PPP2R2C: variants seen among roughly 807,000 people sequenced by gnomAD.
PPP2R2C encodes the protein protein phosphatase 2 regulatory subunit Bgamma.
PPP2R2C carries 10 observed loss-of-function variants against 45.3 expected under a neutral mutation model. The observed-to-expected ratio is 0.22, with a 90% CI of 0.14 to 0.37. The LOEUF (loss-of-function observed/expected upper bound fraction) is 0.37. PPP2R2C is among the 10% of genes least tolerant of loss of function. PPP2R2C has a pLI of 1.00. For synonymous variants in PPP2R2C, 257 were observed against 245.4 expected, an observed-to-expected ratio of 1.05 and a Z score of -0.44; for missense variants, 308 against 619.7, an observed-to-expected ratio of 0.50 and a Z score of 5.34.
chr4:6,530,641 C>A (rs541202707), intron 2 of PPP2R2C, among the ~76,000 whole-genome samples: 2 of 152,202 alleles, frequency 1.3e-5, no homozygotes, highest in African/African-American at 2.4e-5. Context: ...TGGCCCCCCA[C>A]AACAGGCTGT....
At chr4:6,473,209 C>G (rs1020211810), upstream of PPP2R2C, among the ~76,000 whole-genome samples, 2 of 152,094 alleles carry the variant, frequency 1.3e-5, no homozygotes, top group Non-Finnish European at 2.9e-5. Flanking sequence ...TCATGCCCAC[C>G]TCTCCTGACG....
intron 2 of PPP2R2C, among the ~76,000 whole-genome samples, chr4:6,485,034 G>C (rs901168947): frequency 6.6e-6 from 1 of 151,676 alleles, no homozygotes; most frequent in African/African-American, 2.4e-5. Context: ...TTAGCCTGTA[G>C]GTTTTTCTCA....
chr4:6,489,999 C>G (rs568508675), intron 2 of PPP2R2C, among the ~76,000 whole-genome samples: 1 of 152,198 alleles, frequency 6.6e-6, no homozygotes, highest in Non-Finnish European at 1.5e-5. Context: ...TAAGCATGAT[C>G]GAGCAGTTTG....
chr4:6,333,641 C>T lies in PPP2R2C; in HGVS notation c.881G>A (p.Arg294His). ...AAGGTAGTCCCGGGTGAGCATGTAG[C>T]GGCCGCTGTGGCTGAACTTCACGTC... The part of the protein sequence containing the change: ...VSDVKFSHSG[R>H]YMLTRDYLTV... The change falls in exon 7 of 9, where the codon CGC (arginine) becomes CAC (histidine). Residue 294 changes from arginine to histidine, a missense_variant. Arg to His is a conservative substitution (Grantham distance 29, BLOSUM62 0). Transcript: ENST00000382599. 1 of 1,614,146 alleles carries T rather than the reference C, an allele frequency of 6.2e-7. No homozygotes were observed. Among genetic ancestry groups the T allele is most frequent in the Non-Finnish European group, 8.5e-7 (1 of 1,180,014 alleles).
At chr4:6,478,569 T>C (rs1722244516) in intron 2 of PPP2R2C, among the ~76,000 whole-genome samples, 1 of 152,192 alleles carries the variant, frequency 6.6e-6, no homozygotes, top group Non-Finnish European at 1.5e-5. Context: ...GCATGTGATA[T>C]GTTTTGTCAC....
chr4:6,367,494 T>A (rs1484481810), intron 5 of PPP2R2C, among the ~76,000 whole-genome samples: 1 of 152,124 alleles, frequency 6.6e-6, no homozygotes, highest in East Asian at 1.9e-4. Context: ...ATCAGAACTG[T>A]CACCCTCTGA....
intron 2 of PPP2R2C, among the ~76,000 whole-genome samples, chr4:6,525,081 C>G (rs1724152927): frequency 6.6e-6 from 1 of 151,578 alleles, no homozygotes; most frequent in East Asian, 1.9e-4. Flanking sequence ...GTGAGACACT[C>G]TCTCCAAATA....
chr4:6,414,118 G>T, intron 1 of PPP2R2C: 1 of 1,072,248 alleles, frequency 9.3e-7, no homozygotes, highest in Non-Finnish European at 1.2e-6. Flanking sequence ...GTGTGTGTGT[G>T]TGTGTACAGG....
intron 1 of PPP2R2C, among the ~76,000 whole-genome samples, chr4:6,392,120 G>A (rs1341391927): frequency 1.3e-5 from 2 of 152,202 alleles, no homozygotes; most frequent in Admixed American, 6.5e-5. Flanking sequence ...TCCCAGAAAT[G>A]GATGGTGGTG....
At chr4:6,538,726 C>T (rs540742026) in intron 1 of PPP2R2C, among the ~76,000 whole-genome samples, 2 of 152,348 alleles carry the variant, frequency 1.3e-5, no homozygotes, top group South Asian at 2.1e-4. Context: ...AAGAGCCGGC[C>T]GCCAATGCAG....
At chr4:6,383,154 C>A in intron 1 of PPP2R2C, 2 of 1,170,964 alleles carry the variant, frequency 1.7e-6, no homozygotes, top group Non-Finnish European at 2.1e-6. Context: ...CCATCAACGC[C>A]TCTGGCGGTA....
intron 1 of PPP2R2C, among the ~76,000 whole-genome samples, chr4:6,405,592 C>T (rs897531115): frequency 2.6e-5 from 4 of 152,112 alleles, no homozygotes; most frequent in Non-Finnish European, 5.9e-5. Context: ...GCTTCCTGGG[C>T]CCATTAGCAA....
intron 1 of PPP2R2C, among the ~76,000 whole-genome samples, chr4:6,547,279 G>A (rs1402762894): frequency 6.6e-6 from 1 of 150,894 alleles, no homozygotes; most frequent in Non-Finnish European, 1.5e-5. Context: ...TAACCAAAAT[G>A]CCATTATCAC....
At chr4:6,362,267 A>C (rs977723049) in intron 5 of PPP2R2C, among the ~76,000 whole-genome samples, 1 of 152,106 alleles carries the variant, frequency 6.6e-6, no homozygotes, top group African/African-American at 2.4e-5. Flanking sequence ...AGGGGTCCTG[A>C]CATAAGGCTG....
At chr4:6,382,071 T>A in intron 1 of PPP2R2C, 1 of 1,388,598 alleles carries the variant, frequency 7.2e-7, no homozygotes, top group Non-Finnish European at 9.3e-7. Flanking sequence ...CCAACAAGTT[T>A]TACTGCAGCC....
intron 5 of PPP2R2C, among the ~76,000 whole-genome samples, chr4:6,357,436 T>C (rs1245749590): frequency 1.3e-5 from 2 of 152,196 alleles, no homozygotes; most frequent in African/African-American, 4.8e-5. Context: ...AGGATTTCTA[T>C]CGAAACTGCA....
intron 1 of PPP2R2C, chr4:6,414,039 A>C: frequency 6.7e-7 from 1 of 1,483,924 alleles, no homozygotes; most frequent in Non-Finnish European, 9.0e-7. Context: ...AATCTAGAGA[A>C]TTATGCATGG....
intron 2 of PPP2R2C, among the ~76,000 whole-genome samples, chr4:6,499,734 T>C (rs1722986759): frequency 6.6e-6 from 1 of 151,572 alleles, no homozygotes; most frequent in South Asian, 2.1e-4. Context: ...ATCTTACTGT[T>C]CTGAATAAAC....
At chr4:6,369,325 G>T (rs1393187095) in intron 5 of PPP2R2C, among the ~76,000 whole-genome samples, 1 of 152,198 alleles carries the variant, frequency 6.6e-6, no homozygotes, top group Non-Finnish European at 1.5e-5. Context: ...AACAGACAGG[G>T]CTGAGCCTGT....
Sources: allele counts gnomAD v4.1 joint callset (sites outside exome capture counted in the v4.1 genomes callset), GRCh38; gene constraint gnomAD v4.1.1; transcripts MANE v1.5; gene names NCBI Gene and HGNC (gene_info 2026-07-23, HGNC 2026-07-21).